Variants in DLG2 observed in about 807,000 individuals in gnomAD.
DLG2 encodes the protein disks large homolog 2.
A neutral mutation model predicts 132.5 loss-of-function variants in DLG2; 45 were observed. That is an observed-to-expected ratio of 0.34 (90% confidence interval 0.27 to 0.44). DLG2 has a LOEUF of 0.44. DLG2 is among the 20% of genes least tolerant of loss of function. The probability of loss-of-function intolerance (pLI) is 1.00; values close to 1 mark genes in which losing one functional copy is unlikely to be tolerated. For synonymous variants in DLG2, 424 were observed against 419.6 expected, an observed-to-expected ratio of 1.01 and a Z score of -0.13; for missense variants, 1,045 against 1,196.9, an observed-to-expected ratio of 0.87 and a Z score of 1.87.
chr11:84,065,026 T>TCATA lies in DLG2; in HGVS notation c.750-5543_750-5542insTATG, dbSNP rs2096650158. On this transcript the variant is annotated intron_variant, in intron 10 of 27. Coordinates refer to ENST00000376104, the MANE Select transcript of DLG2 (RefSeq NM_001142699.3). ...TAACTGGACAGTCATATGCAGAAGA[T>TCATA]TGCAATTCGACCCCTTCCTTAAACA... Among the ~76,000 whole-genome samples, 30 of 152,238 alleles carry TCATA rather than the reference T, an allele frequency of 2.0e-4. No individual in the cohort carries two copies. In the South Asian group the frequency reaches 6.2e-3, roughly 32 times the overall value.
chr11:85,210,543 T>G (rs2082189153), intron 4 of DLG2, among the ~76,000 whole-genome samples: 2 of 152,170 alleles, frequency 1.3e-5, no homozygotes, highest in African/African-American at 4.8e-5. Flanking sequence ...CTTATACTTT[T>G]TTTTTCCTTT....
intron 6 of DLG2, among the ~76,000 whole-genome samples, chr11:84,674,088 A>T (rs2099708838): frequency 6.6e-6 from 1 of 152,186 alleles, no homozygotes; most frequent in Non-Finnish European, 1.5e-5. Flanking sequence ...ACTGAAAGAC[A>T]AAAATAGAAT....
intron 4 of DLG2, among the ~76,000 whole-genome samples, chr11:85,179,177 T>C (rs11234317): frequency 1.3e-5 from 2 of 151,976 alleles, no homozygotes; most frequent in East Asian, 3.9e-4. Context: ...ATAGAACATA[T>C]GCTCACAGTG....
At chr11:85,066,112 G>T (rs571646780) in intron 6 of DLG2, among the ~76,000 whole-genome samples, 1 of 151,498 alleles carries the variant, frequency 6.6e-6, no homozygotes, top group Admixed American at 6.6e-5. Flanking sequence ...AATGATAAAG[G>T]TGACATCACA....
chr11:85,232,863 T>A lies in DLG2; in HGVS notation c.186+52357A>T, dbSNP rs566871460. On this transcript the variant is annotated intron_variant, in intron 4 of 27. Coordinates refer to ENST00000376104, the MANE Select transcript of DLG2 (RefSeq NM_001142699.3). ...TGTCACAGCTTTGTGGGGAATTTAATTCATGGCACTTTGCAGACAGCAATA... is the reference window on the plus strand; with the variant it reads ...TGTCACAGCTTTGTGGGGAATTTAAATCATGGCACTTTGCAGACAGCAATA... Among the ~76,000 whole-genome samples, 28 of 152,100 alleles carry A rather than the reference T, an allele frequency of 1.8e-4. No individual in the cohort carries two copies. The South Asian group carries it at 5.8e-3, about 32-fold the overall frequency.
chr11:83,862,255 C>T (rs1305566905), intron 16 of DLG2, among the ~76,000 whole-genome samples: 1 of 152,024 alleles, frequency 6.6e-6, no homozygotes, highest in Admixed American at 6.6e-5. Context: ...CACTACTATC[C>T]AGCCATAAAA....
At chr11:85,130,223 C>T (rs1452199203) in intron 5 of DLG2, among the ~76,000 whole-genome samples, 1 of 152,104 alleles carries the variant, frequency 6.6e-6, no homozygotes, top group East Asian at 1.9e-4. Flanking sequence ...AATTATTCTC[C>T]AGTATGTCTA....
intron 15 of DLG2, among the ~76,000 whole-genome samples, chr11:83,905,782 C>G (rs2074567610): frequency 6.6e-6 from 1 of 152,122 alleles, no homozygotes; most frequent in African/African-American, 2.4e-5. Flanking sequence ...CTTTTTACAT[C>G]TTAATGGTCT....
chr11:84,009,157 T>G (rs1592976017), intron 11 of DLG2, among the ~76,000 whole-genome samples: 1 of 152,004 alleles, frequency 6.6e-6, no homozygotes, highest in East Asian at 1.9e-4. Flanking sequence ...TTACTTCATG[T>G]ATAGGACTAA....
intron 6 of DLG2, among the ~76,000 whole-genome samples, chr11:84,890,333 C>T (rs957438): frequency 0.37 from 56,210 of 152,004 alleles, 11,131 homozygotes; most frequent in Non-Finnish European, 0.41. Context: ...ACCTCTCAGA[C>T]ATCAGGCAGA....
intron 16 of DLG2, among the ~76,000 whole-genome samples, chr11:83,852,769 C>G (rs2059981831): frequency 6.6e-6 from 1 of 152,196 alleles, no homozygotes; most frequent in South Asian, 2.1e-4. Flanking sequence ...CTTTACATAA[C>G]AATTAGTTCA....
At chr11:84,956,856 G>T (rs1264136321) in intron 6 of DLG2, among the ~76,000 whole-genome samples, 1 of 152,164 alleles carries the variant, frequency 6.6e-6, no homozygotes, top group East Asian at 1.9e-4. Flanking sequence ...AGAAGAGTTG[G>T]TTTATTTCCC....
chr11:85,424,738 A>C (rs1306095878), intron 3 of DLG2, among the ~76,000 whole-genome samples: 1 of 151,992 alleles, frequency 6.6e-6, no homozygotes, highest in African/African-American at 2.4e-5. Flanking sequence ...TGACATTCAA[A>C]CTCTGATTTT....
intron 9 of DLG2, among the ~76,000 whole-genome samples, chr11:84,127,657 C>G (rs1185965883): frequency 6.6e-6 from 1 of 152,172 alleles, no homozygotes; most frequent in Non-Finnish European, 1.5e-5. Flanking sequence ...CTGCCTCCAA[C>G]TCCTGGGCTC....
rs140061950 is a variant in DLG2, at chr11:84,481,585, C to T, written c.519+52985G>A. On this transcript the variant is annotated intron_variant, in intron 7 of 27. Transcript: ENST00000376104. ...GATGGTAGTCAACATCATTTTTACC[C>T]ACAATGTCTTCAGAAGTGGCTTCTA... Among the ~76,000 whole-genome samples the T allele has an allele frequency of 4.5e-3, 690 of 152,224 alleles. 3 individuals carry two copies. Among genetic ancestry groups the T allele is most frequent in the Non-Finnish European group, 6.0e-3 (411 of 68,012 alleles).
intron 8 of DLG2, among the ~76,000 whole-genome samples, chr11:84,187,524 T>C (rs2154287769): frequency 6.6e-6 from 1 of 152,182 alleles, no homozygotes; most frequent in African/African-American, 2.4e-5. Context: ...TTTCACCCAA[T>C]TGCTGTTTTG....
chr11:83,882,291 T>C (rs2154076152), intron 15 of DLG2, among the ~76,000 whole-genome samples: 1 of 152,262 alleles, frequency 6.6e-6, no homozygotes, highest in Middle Eastern at 3.4e-3. Context: ...AGGAACACAA[T>C]ATGTTAACTG....
intron 19 of DLG2, among the ~76,000 whole-genome samples, chr11:83,549,447 T>C (rs1393715383): frequency 1.3e-5 from 2 of 152,106 alleles, no homozygotes. Context: ...AATGAGATGA[T>C]AAAGGAAGAG....
intron 6 of DLG2, among the ~76,000 whole-genome samples, chr11:85,024,669 A>C (rs1447557162): frequency 6.6e-6 from 1 of 152,204 alleles, no homozygotes; most frequent in African/African-American, 2.4e-5. Context: ...GCCATTTGTA[A>C]GCACTCTGTT....
Sources: allele counts gnomAD v4.1 joint callset (sites outside exome capture counted in the v4.1 genomes callset), GRCh38; gene constraint gnomAD v4.1.1; transcripts MANE v1.5; gene names NCBI Gene and HGNC (gene_info 2026-07-23, HGNC 2026-07-21).